GPHN: variants seen among roughly 807,000 people sequenced by gnomAD.
The protein encoded by GPHN is gephyrin.
Under a neutral mutation model 95.5 loss-of-function variants are expected in GPHN, and 17 were observed. That is an observed-to-expected ratio of 0.18 (90% CI 0.12 to 0.27). The LOEUF is 0.27. Among genes scored for constraint, GPHN ranks in the 10% least tolerant of loss-of-function variants. The pLI is 1.00. For synonymous variants in GPHN, 320 were observed against 322.5 expected, an observed-to-expected ratio of 0.99 and a Z score of 0.08; for missense variants, 660 against 978.1, an observed-to-expected ratio of 0.67 and a Z score of 4.34.
intron 11 of GPHN, among the ~76,000 whole-genome samples, chr14:67,061,987 C>T (rs1317929804): frequency 2.6e-5 from 4 of 152,116 alleles, no homozygotes; most frequent in African/African-American, 7.2e-5. Flanking sequence ...ACTCTTCATT[C>T]GTGTTCCCAT....
the GPHN span, chr14:67,332,648 G>C: frequency 1.2e-6 from 1 of 850,164 alleles, no homozygotes; most frequent in Non-Finnish European, 1.8e-6. Context: ...GGTTGGAAAG[G>C]AGCTCCTGAG....
At chr14:67,150,842 C>T (rs938661602) in intron 18 of GPHN, among the ~76,000 whole-genome samples, 4 of 151,954 alleles carry the variant, frequency 2.6e-5, no homozygotes, top group Non-Finnish European at 5.9e-5. Context: ...TATAGGTACA[C>T]GTCATCATAC....
At chr14:66,572,970 T>C (rs1469648031) in intron 1 of GPHN, among the ~76,000 whole-genome samples, 1 of 152,234 alleles carries the variant, frequency 6.6e-6, no homozygotes, top group Non-Finnish European at 1.5e-5. Context: ...GCCTTCTTCT[T>C]TGACACACTG....
chr14:66,909,907 T>TAC (rs1300262198), intron 5 of GPHN, among the ~76,000 whole-genome samples: 1 of 151,982 alleles, frequency 6.6e-6, no homozygotes. Flanking sequence ...AAGATCAGGA[T>TAC]ACATCAGTTG....
At chr14:67,360,082 G>T in the GPHN span, 3 of 426,440 alleles carry the variant, frequency 7.0e-6, no homozygotes. Context: ...TTTGGTCACA[G>T]CGCCATCTCA....
chr14:66,708,312 A>G (rs906774184), intron 2 of GPHN, among the ~76,000 whole-genome samples: 1 of 152,182 alleles, frequency 6.6e-6, no homozygotes, highest in Non-Finnish European at 1.5e-5. Flanking sequence ...TAATAGGACT[A>G]GAAAGAGAAA....
chr14:67,657,513 T>G, the GPHN span, among the ~76,000 whole-genome samples: 28 of 152,196 alleles, frequency 1.8e-4, 1 homozygote, highest in East Asian at 5.4e-3. Context: ...AAGAAAAAAG[T>G]AGCCTTGTCA....
chr14:66,883,015 A>G (rs994800928), intron 5 of GPHN, among the ~76,000 whole-genome samples: 10 of 151,938 alleles, frequency 6.6e-5, no homozygotes, highest in African/African-American at 2.2e-4. Context: ...TAGTTTCAGC[A>G]ATTTGATTAT....
chr14:66,836,751 AAAAC>A (rs1271815379), intron 4 of GPHN, among the ~76,000 whole-genome samples: 19 of 151,802 alleles, frequency 1.3e-4, no homozygotes, highest in East Asian at 3.9e-4. Context: ...TTACAAGAAA[AAAAC>A]AAACAACCCC....
chr14:67,609,126 C>G, the GPHN span, among the ~76,000 whole-genome samples: 11 of 151,986 alleles, frequency 7.2e-5, no homozygotes, highest in East Asian at 1.5e-3. Flanking sequence ...CTTTTGGGTT[C>G]AGGTAATTTT....
chr14:66,814,591 A>T (rs539135759), intron 3 of GPHN, among the ~76,000 whole-genome samples: 25 of 152,374 alleles, frequency 1.6e-4, no homozygotes, highest in Admixed American at 1.1e-3. Flanking sequence ...TCTTCCAGTC[A>T]GCTGAATGCA....
chr14:67,346,388 T>G, the GPHN span, among the ~76,000 whole-genome samples: 4 of 152,394 alleles, frequency 2.6e-5, no homozygotes, highest in East Asian at 7.7e-4. Context: ...CTCAGCTCAC[T>G]GTAAGCTCCA....
chr14:67,529,963 T>A, the GPHN span, among the ~76,000 whole-genome samples: 1 of 152,108 alleles, frequency 6.6e-6, no homozygotes, highest in Non-Finnish European at 1.5e-5. Flanking sequence ...TGAGGCTTTT[T>A]TGGTGATATA....
chr14:66,854,846 T>G (rs1438857607), intron 4 of GPHN, among the ~76,000 whole-genome samples: 2 of 128,314 alleles, frequency 1.6e-5, no homozygotes, highest in Non-Finnish European at 3.5e-5. Flanking sequence ...TATTTTAGCC[T>G]TTTTTTTTTT....
chr14:67,455,278 C>T, the GPHN span, among the ~76,000 whole-genome samples: 2 of 152,192 alleles, frequency 1.3e-5, no homozygotes, highest in South Asian at 4.1e-4. Flanking sequence ...CATTTGGCTG[C>T]CCCTCAGTTT....
chr14:66,648,244 A>G (rs1344241886), intron 1 of GPHN, among the ~76,000 whole-genome samples: 1 of 152,124 alleles, frequency 6.6e-6, no homozygotes, highest in Non-Finnish European at 1.5e-5. Context: ...AGATTACAAT[A>G]TTTGCTCTTG....
the GPHN span, among the ~76,000 whole-genome samples, chr14:67,657,768 T>G: frequency 0.18 from 2,011 of 11,460 alleles, 55 homozygotes; most frequent in African/African-American, 0.19. Context: ...TTTTTTTTTT[T>G]GAGACAGTCT....
the GPHN span, chr14:67,662,677 A>T: frequency 1.3e-6 from 1 of 751,792 alleles, no homozygotes; most frequent in Non-Finnish European, 2.0e-6. Flanking sequence ...AGGCCAAGGC[A>T]GGTGGATCAC....
intron 9 of GPHN, among the ~76,000 whole-genome samples, chr14:67,004,745 T>C (rs1215475761): frequency 6.6e-6 from 1 of 151,830 alleles, no homozygotes; most frequent in Non-Finnish European, 1.5e-5. Context: ...TTTTGGAACC[T>C]TATTACATAA....
Sources: allele counts gnomAD v4.1 joint callset (sites outside exome capture counted in the v4.1 genomes callset), GRCh38; gene constraint gnomAD v4.1.1; transcripts MANE v1.5; gene names NCBI Gene and HGNC (gene_info 2026-07-23, HGNC 2026-07-21).